EPM2A: variants seen among roughly 807,000 people sequenced by gnomAD.
EPM2A encodes laforin.
EPM2A carries 21 observed loss-of-function variants against 26.5 expected under a neutral mutation model. The ratio of observed to expected loss-of-function variants is 0.79; its 90% CI spans 0.56 to 1.14. The LOEUF (loss-of-function observed/expected upper bound fraction) is 1.14, where lower values mean the gene tolerates loss of function less well. Among genes scored for constraint, EPM2A ranks in the 50% most tolerant of loss-of-function variants. The probability of loss-of-function intolerance (pLI) is 0.00; values close to 1 mark genes in which losing one functional copy is unlikely to be tolerated. For missense variants in EPM2A, 458 were observed against 440.8 expected (o/e 1.04, Z -0.35); for synonymous variants, 217 against 177.6 (o/e 1.22, Z -1.76).
At chr6:145,516,949 C>T (rs1055186920) in intron 2 of EPM2A, among the ~76,000 whole-genome samples, 11 of 152,118 alleles carry the variant, frequency 7.2e-5, no homozygotes, top group African/African-American at 1.4e-4. Context: ...ACAACTCAAA[C>T]GTCCATCAGT....
intron 4 of EPM2A, among the ~76,000 whole-genome samples, chr6:145,469,631 A>G (rs941782374): frequency 7.9e-5 from 12 of 152,110 alleles, no homozygotes; most frequent in Admixed American, 1.3e-4. Context: ...TCAAAAAATT[A>G]AAAGTAGGGT....
intron 2 of EPM2A, among the ~76,000 whole-genome samples, chr6:145,570,670 G>A (rs1780942615): frequency 6.6e-6 from 1 of 152,156 alleles, no homozygotes; most frequent in Non-Finnish European, 1.5e-5. Flanking sequence ...ACCTCAGCAG[G>A]TCATAGTTTC....
intron 1 of EPM2A, among the ~76,000 whole-genome samples, chr6:145,732,234 TGTGCGC>T (rs1776529613): frequency 9.0e-6 from 1 of 111,600 alleles, no homozygotes; most frequent in African/African-American, 3.0e-5. Context: ...TGTGTGTGTG[TGTGCGC>T]GCCAAAGTAA....
intron 2 of EPM2A, among the ~76,000 whole-genome samples, chr6:145,650,880 T>C (rs1777836705): frequency 6.6e-6 from 1 of 152,202 alleles, no homozygotes; most frequent in Non-Finnish European, 1.5e-5. Context: ...AGATAATTGT[T>C]TATCGTTGAG....
chr6:145,730,823 G>A (rs1289410182), intron 1 of EPM2A, among the ~76,000 whole-genome samples: 2 of 152,150 alleles, frequency 1.3e-5, no homozygotes, highest in African/African-American at 4.8e-5. Flanking sequence ...AGGTAGTTAG[G>A]GAGGTCTTCT....
In EPM2A at chr6:145,571,072, C is replaced by T. The variant is rs114331249; in HGVS notation, c.340+64173G>A. Among the ~76,000 whole-genome samples, 852 of 152,180 alleles carry T rather than the reference C, an allele frequency of 5.6e-3. 6 individuals are homozygous for T. The highest frequency in any genetic ancestry group is 0.02 in the African/African-American group (815 of 41,496). ...TCTAGGCCAGCAGAGCATAATGTCA[C>T]GGGAAAAAGAAGCAAACATTTTGTT... On this transcript the variant is annotated intron_variant, in intron 2 of 3. Transcript: ENST00000450221.
intron 2 of EPM2A, among the ~76,000 whole-genome samples, chr6:145,599,329 T>C (rs1047903720): frequency 6.6e-6 from 1 of 152,118 alleles, no homozygotes; most frequent in Non-Finnish European, 1.5e-5. Flanking sequence ...CTGTGCTCCC[T>C]TTAGGTAATT....
At chr6:145,708,382 A>G (rs1359453033) in intron 1 of EPM2A, among the ~76,000 whole-genome samples, 1 of 152,052 alleles carries the variant, frequency 6.6e-6, no homozygotes, top group Non-Finnish European at 1.5e-5. Flanking sequence ...AGGCCTGGAG[A>G]AGCAGGAGGA....
At chr6:145,579,304 G>A (rs888273467) in intron 2 of EPM2A, among the ~76,000 whole-genome samples, 4 of 152,184 alleles carry the variant, frequency 2.6e-5, no homozygotes, top group African/African-American at 9.6e-5. Flanking sequence ...TTCTGGAAAC[G>A]CCCTCACAGA....
At chr6:145,686,353 C>T in intron 1 of EPM2A, 57 bp from the exon 2 acceptor site, 5 of 1,381,228 alleles carry the variant, frequency 3.6e-6, no homozygotes, top group South Asian at 1.2e-5. Flanking sequence ...GTTTAAATAT[C>T]CTCAAAGCAG....
intron 2 of EPM2A, among the ~76,000 whole-genome samples, chr6:145,601,757 G>T: frequency 6.6e-6 from 1 of 152,150 alleles, no homozygotes; most frequent in Non-Finnish European, 1.5e-5. Flanking sequence ...TTCTTTCCCA[G>T]CTTCCGTGCA....
At chr6:145,485,005 ATT>A (rs1491181369) in intron 4 of EPM2A, among the ~76,000 whole-genome samples, 1 of 140,606 alleles carries the variant, frequency 7.1e-6, no homozygotes, top group Non-Finnish European at 1.6e-5. Flanking sequence ...ATATATATAT[ATT>A]ATATATATAT....
chr6:145,478,914 G>A (rs531964370), intron 4 of EPM2A, among the ~76,000 whole-genome samples: 1 of 151,808 alleles, frequency 6.6e-6, no homozygotes, highest in East Asian at 1.9e-4. Flanking sequence ...TTTGTGGTCA[G>A]TTTCTTTGTA....
chr6:145,577,625 T>TTTTCACTTTC (rs1781052671), intron 2 of EPM2A, among the ~76,000 whole-genome samples: 3 of 151,376 alleles, frequency 2.0e-5, no homozygotes, highest in Non-Finnish European at 2.9e-5. Flanking sequence ...ATTTCACTTT[T>TTTTCACTTTC]GGCTTTGGAC....
chr6:145,660,819 A>C (rs1778645850), intron 2 of EPM2A, among the ~76,000 whole-genome samples: 1 of 152,120 alleles, frequency 6.6e-6, no homozygotes, highest in Non-Finnish European at 1.5e-5. Flanking sequence ...TAAAATAATA[A>C]ATTTTTTAAA....
chr6:145,440,399 G>T (rs936984744), intron 4 of EPM2A, among the ~76,000 whole-genome samples: 2 of 152,182 alleles, frequency 1.3e-5, no homozygotes, highest in South Asian at 4.1e-4. Context: ...TTGAGATTTA[G>T]GTGGTGACAC....
chr6:145,410,002 T>C (rs1778622329), intron 4 of EPM2A, among the ~76,000 whole-genome samples: 1 of 152,192 alleles, frequency 6.6e-6, no homozygotes, highest in Admixed American at 6.5e-5. Context: ...CACATCATCA[T>C]TTCTGCCACA....
intron 4 of EPM2A, among the ~76,000 whole-genome samples, chr6:145,419,645 G>GTCTAA (rs1382201469): frequency 6.6e-6 from 1 of 152,082 alleles, no homozygotes; most frequent in Non-Finnish European, 1.5e-5. Flanking sequence ...GTCTATCTTT[G>GTCTAA]ACACATTATG....
At chr6:145,498,957 T>C (rs546592956), downstream of EPM2A, among the ~76,000 whole-genome samples, 1 of 152,304 alleles carries the variant, frequency 6.6e-6, no homozygotes, top group Admixed American at 6.5e-5. Flanking sequence ...CTCTATTCCC[T>C]CCACCAAGAC....
Sources: allele counts gnomAD v4.1 joint callset (sites outside exome capture counted in the v4.1 genomes callset), GRCh38; gene constraint gnomAD v4.1.1; transcripts MANE v1.5; gene names NCBI Gene and HGNC (gene_info 2026-07-23, HGNC 2026-07-21).